Variants in UBE2Z observed in about 807,000 individuals in gnomAD.
UBE2Z encodes ubiquitin-conjugating enzyme E2 Z.
UBE2Z carries 10 observed loss-of-function variants against 32.6 expected under a neutral mutation model. The observed-to-expected ratio is 0.31, with a 90% CI of 0.19 to 0.52. UBE2Z has a LOEUF of 0.52. Among genes scored for constraint, UBE2Z ranks in the 20% least tolerant of loss-of-function variants. UBE2Z has a pLI of 0.97. For synonymous variants in UBE2Z, 183 were observed against 190.8 expected, an observed-to-expected ratio of 0.96 and a Z score of 0.34; for missense variants, 343 against 480.9, an observed-to-expected ratio of 0.71 and a Z score of 2.68.
intron 4 of UBE2Z, among the ~76,000 whole-genome samples, chr17:48,918,457 C>A (rs2143768303): frequency 6.6e-6 from 1 of 151,786 alleles, no homozygotes; most frequent in African/African-American, 2.4e-5. Context: ...CCTCAGCCTC[C>A]TGAGTAGCTG....
chr17:48,909,334 C>T (rs1470508308), intron 1 of UBE2Z, among the ~76,000 whole-genome samples: 1 of 151,974 alleles, frequency 6.6e-6, no homozygotes, highest in Non-Finnish European at 1.5e-5. Flanking sequence ...TTTTTATCCT[C>T]CGTTTTTCTC....
chr17:48,919,781 C>G (rs2040746482), intron 4 of UBE2Z, among the ~76,000 whole-genome samples: 1 of 152,274 alleles, frequency 6.6e-6, no homozygotes, highest in Non-Finnish European at 1.5e-5. Flanking sequence ...CCCAGCCCTA[C>G]TTCTGATTTA....
chr17:48,910,755 C>G, intron 1 of UBE2Z, 53 bp from the exon 2 acceptor site: 1 of 1,393,206 alleles, frequency 7.2e-7, no homozygotes, highest in Non-Finnish European at 1.0e-6. Context: ...AAGGGATTCC[C>G]CCTTTCCCCC....
intron 6 of UBE2Z, 23 bp from the exon 7 acceptor site, chr17:48,926,941 C>T (rs746515019): frequency 1.2e-6 from 2 of 1,603,374 alleles, no homozygotes; most frequent in South Asian, 2.2e-5. Flanking sequence ...AATCTTCCAT[C>T]CCCTTGTCTC....
chr17:48,921,064 A>C, intron 4 of UBE2Z, 96 bp from the exon 5 acceptor site: 1 of 935,134 alleles, frequency 1.1e-6, no homozygotes, highest in Non-Finnish European at 1.7e-6. Context: ...AGTTTGTGTG[A>C]CTGGCTGACA....
At chr17:48,923,421 G>A (rs1006583239) in intron 6 of UBE2Z, among the ~76,000 whole-genome samples, 6 of 151,728 alleles carry the variant, frequency 4.0e-5, no homozygotes, top group Non-Finnish European at 8.8e-5. Flanking sequence ...ACCTGAGGTC[G>A]GGAGTGTGAG....
Position 48,928,753 on chromosome 17 carries a change from C to G in UBE2Z, c.*1619C>G, listed in dbSNP as rs2040815060. 1 of 152,646 alleles carries G rather than the reference C, an allele frequency of 6.6e-6. No individual in the cohort carries two copies. Among genetic ancestry groups the G allele is most frequent in the South Asian group, 2.1e-4 (1 of 4,832 alleles). 9.5% of individuals were successfully genotyped at this position (152,646 alleles called of 1,614,324 possible). ...TGAAGATCGAAAAGGGACCCTGCTTCCAATTTCCCTCTTCCATTCCTCGAG... is the reference window on the plus strand; with the variant it reads ...TGAAGATCGAAAAGGGACCCTGCTTGCAATTTCCCTCTTCCATTCCTCGAG... On this transcript the variant is annotated 3_prime_UTR_variant, in exon 7 of 7. Coordinates refer to ENST00000360943, the MANE Select transcript of UBE2Z (RefSeq NM_023079.5).
At chr17:48,912,594 CT>C in intron 2 of UBE2Z, 2 of 475,302 alleles carry the variant, frequency 4.2e-6, no homozygotes, top group Non-Finnish European at 7.5e-6. Flanking sequence ...GCCTTGGGCT[CT>C]AACTTTAGAA....
At chr17:48,914,322 G>A (rs2040703781) in intron 3 of UBE2Z, among the ~76,000 whole-genome samples, 1 of 152,174 alleles carries the variant, frequency 6.6e-6, no homozygotes, top group South Asian at 2.1e-4. Context: ...TATCCAACAT[G>A]TTTCCAGGTT....
chr17:48,908,495 G>A lies in UBE2Z; in HGVS notation c.-9G>A, dbSNP rs1353895260. 2.4e-6 allele frequency: 3 copies of A among 1,233,644 alleles called. No individual in the cohort carries two copies. The highest frequency in any genetic ancestry group is 3.1e-5 in the African/African-American group (2 of 64,298). The allele number at this position is 1,233,644 out of a possible 1,614,324, so 76.4% of individuals were successfully genotyped here. A position where few individuals can be genotyped will look rare whatever the true frequency, so the allele number is the denominator to read the frequency against. On this transcript the variant is annotated 5_prime_UTR_variant, in exon 1 of 7. Transcript: ENST00000360943. ...CGTGCTGCCGAGTAGTCCCGGAAGCGAAGCAGCGATGGCGGAGAGTCCGAC... is the reference window on the plus strand; with the variant it reads ...CGTGCTGCCGAGTAGTCCCGGAAGCAAAGCAGCGATGGCGGAGAGTCCGAC...
chr17:48,912,217 A>G (rs763095840), intron 2 of UBE2Z: 2 of 152,488 alleles, frequency 1.3e-5, no homozygotes, highest in African/African-American at 2.4e-5. Context: ...GCAAGCAGAT[A>G]CCCTAGGCAT....
chr17:48,922,604 A>G (rs1006131977), intron 5 of UBE2Z, among the ~76,000 whole-genome samples: 7 of 151,490 alleles, frequency 4.6e-5, no homozygotes, highest in Non-Finnish European at 8.8e-5. Flanking sequence ...CCCCGTCTCT[A>G]CTAAAAACAA....
intron 1 of UBE2Z, 170 bp from the exon 2 acceptor site, chr17:48,910,638 T>C: frequency 1.8e-6 from 1 of 563,514 alleles, no homozygotes; most frequent in South Asian, 2.5e-5. Flanking sequence ...GCCTGACAAG[T>C]ACTCAGCTGA....
chr17:48,909,173 C>T (rs2040655343), intron 1 of UBE2Z, among the ~76,000 whole-genome samples: 1 of 149,422 alleles, frequency 6.7e-6, no homozygotes, highest in Non-Finnish European at 1.5e-5. Flanking sequence ...GCCTTCGGCG[C>T]CGCCCCTATT....
At position 48,921,166 on chromosome 17, in the gene UBE2Z, C is replaced by T; in HGVS notation, c.697C>T (p.His233Tyr). The T allele has an allele frequency of 6.2e-7, 1 of 1,609,882 alleles. No homozygotes were observed. The highest frequency in any genetic ancestry group is 8.5e-7 in the Non-Finnish European group (1 of 1,178,020). ...GGCATCTGTTACATTATAGGAGAGA[C>T]ATCCAGGAGACAGCAAAAACTATAA... ...HNEPGFEQER[H>Y]PGDSKNYNEC... Residue 233 changes from histidine (H) to tyrosine (Y), a missense_variant, in exon 5 of 7, where the codon CAT becomes TAT. His to Tyr is a moderately conservative substitution (Grantham distance 83). Coordinates refer to ENST00000360943, the MANE Select transcript of UBE2Z (RefSeq NM_023079.5).
At chr17:48,919,721 G>A (rs578183612) in intron 4 of UBE2Z, among the ~76,000 whole-genome samples, 2 of 151,828 alleles carry the variant, frequency 1.3e-5, no homozygotes, top group African/African-American at 4.8e-5. Flanking sequence ...CAAGCGATCC[G>A]CCTGCATCGG....
At chr17:48,921,059 G>T (rs1191632013) in intron 4 of UBE2Z, 101 bp from the exon 5 acceptor site, 10 of 887,316 alleles carry the variant, frequency 1.1e-5, no homozygotes, top group Non-Finnish European at 1.8e-6. Flanking sequence ...TTTTTAGTTT[G>T]TGTGACTGGC....
chr17:48,927,252 T>C lies in UBE2Z; in HGVS notation c.*118T>C, dbSNP rs1175671009. On this transcript the variant is annotated 3_prime_UTR_variant, in exon 7 of 7. Coordinates refer to ENST00000360943, the MANE Select transcript of UBE2Z (RefSeq NM_023079.5). ...CCAGACTCGAAGTCATCCTGCAAGA[T>C]GGCAAGAACCAAGCAAGCTCCGATC... 3.5e-6 allele frequency: 4 copies of C among 1,144,804 alleles called. No homozygotes were observed. The highest frequency in any genetic ancestry group is 3.7e-6 in the Non-Finnish European group (3 of 812,792). 70.9% of individuals were successfully genotyped at this position (1,144,804 alleles called of 1,614,324 possible). A position where few individuals can be genotyped will look rare whatever the true frequency, so the allele number is the denominator to read the frequency against.
rs71369239 is a variant in UBE2Z at position 48,929,009 on chromosome 17, GTTTT to G, written c.*1880_*1883del. On this transcript the variant is annotated 3_prime_UTR_variant, in exon 7 of 7. Coordinates refer to ENST00000360943, the MANE Select transcript of UBE2Z (RefSeq NM_023079.5). ...GACTGTATATAAATGAAGTTTTTTT[GTTTT>G]TTTTGTTTTCCTTTTTGGTGCAATA... is the stretch of plus-strand genomic sequence containing the variant. The G allele has an allele frequency of 2.0e-5, 3 of 152,346 alleles. No individual in the cohort carries two copies. Among genetic ancestry groups the G allele is most frequent in the Middle Eastern group, 3.4e-3 (1 of 294 alleles). The allele number at this position is 152,346 out of a possible 1,614,324, so 9.4% of individuals were successfully genotyped here.
Sources: gnomAD v4.1 joint callset for allele counts (sites outside exome capture counted in the v4.1 genomes callset) on GRCh38, gnomAD v4.1.1 for gene constraint, MANE v1.5 for transcripts, NCBI Gene and HGNC (gene_info 2026-07-23, HGNC 2026-07-21) for gene names.